PLAUR: variants seen among roughly 807,000 people sequenced by gnomAD.
PLAUR encodes plasminogen activator, urokinase receptor, also known as urokinase plasminogen activator surface receptor.
PLAUR carries 22 observed loss-of-function variants against 33.4 expected under a neutral mutation model. The observed-to-expected ratio is 0.66, with a 90% CI of 0.47 to 0.94. The LOEUF (loss-of-function observed/expected upper bound fraction) is 0.94, where lower values mean the gene tolerates loss of function less well. Ranked by LOEUF, PLAUR falls within the 40% of genes least tolerant of loss-of-function variation. The probability of loss-of-function intolerance (pLI) is 0.00; values close to 1 mark genes in which losing one functional copy is unlikely to be tolerated. For synonymous variants in PLAUR, 148 were observed against 167.3 expected, an observed-to-expected ratio of 0.88 and a Z score of 0.89; for missense variants, 408 against 434.7, an observed-to-expected ratio of 0.94 and a Z score of 0.55.
chr19:43,663,173 A>G (rs983092405), intron 3 of PLAUR, among the ~76,000 whole-genome samples: 1 of 152,080 alleles, frequency 6.6e-6, no homozygotes, highest in East Asian at 1.9e-4. Context: ...TAGCCCAGAC[A>G]AATCTATTAG....
chr19:43,667,584 C>T lies in PLAUR; in HGVS notation c.163G>A (p.Glu55Lys). The change falls in exon 2 of 7, where the codon GAA becomes AAA. Residue 55 changes from glutamate to lysine, a missense_variant. Transcript: ENST00000340093. ...LCRTTIVRLW[E>K]EGEELELVEK... The stretch of plus-strand genomic sequence containing the variant: ...TGTGGGTTGGGGGGAAGCTCACCTT[C>T]CCACAAGCGCACGATCGTGGTCCTG... The T allele has an allele frequency of 6.2e-7, 1 of 1,610,718 alleles. No individual in the cohort carries two copies. The highest frequency in any genetic ancestry group is 1.1e-5 in the South Asian group (1 of 91,004).
intron 2 of PLAUR, chr19:43,667,334 C>G: frequency 1.8e-6 from 1 of 552,858 alleles, no homozygotes; most frequent in Non-Finnish European, 3.3e-6. Flanking sequence ...TAGATATTGC[C>G]GAATCGCTCT....
intron 3 of PLAUR, chr19:43,661,246 G>A (rs914362552): frequency 2.6e-5 from 4 of 152,230 alleles, no homozygotes; most frequent in Middle Eastern, 3.4e-3. Context: ...TCAGTCTAGC[G>A]ACTCTCTTTC....
rs548582154 is a variant in PLAUR, at chr19:43,668,287, C to G, written c.56-596G>C. On this transcript the variant is annotated intron_variant, in intron 1 of 6. Transcript: ENST00000340093. ...TCTATTGTTAGATACTCTAGTTTCC[C>G]GCGAAGTTCTGTCTCCGCCCTCCAG... 8.1e-6 allele frequency: 8 copies of G among 986,504 alleles called. No homozygotes were observed. The East Asian group carries it at 9.1e-4, about 112-fold the overall frequency. 61.1% of individuals were successfully genotyped at this position (986,504 alleles called of 1,614,324 possible). A position where few individuals can be genotyped will look rare whatever the true frequency, so the allele number is the denominator to read the frequency against.
chr19:43,646,449 C>T (rs377483791), downstream of PLAUR: 5 of 718,100 alleles, frequency 7.0e-6, no homozygotes, highest in Non-Finnish European at 1.3e-5. Flanking sequence ...TCTATCTCCA[C>T]ATGGCATTTA....
chr19:43,654,649 T>G (rs974776347), intron 5 of PLAUR, among the ~76,000 whole-genome samples: 1 of 149,814 alleles, frequency 6.7e-6, no homozygotes, highest in Non-Finnish European at 1.5e-5. Context: ...TGGGAAGAAT[T>G]CCTGAGCCCA....
intron 3 of PLAUR, 110 bp from the exon 4 acceptor site, chr19:43,656,750 G>A (rs1974231809): frequency 5.8e-6 from 5 of 862,438 alleles, no homozygotes; most frequent in Middle Eastern, 3.5e-4. Context: ...CCTGCAGCCA[G>A]TCATTGAGCC....
In PLAUR at chr19:43,649,007, G is replaced by A. The variant is rs770514145; in HGVS notation, c.891C>T (p.Asp297=). The A allele has an allele frequency of 3.7e-6, 6 of 1,614,234 alleles. No homozygotes were observed. The South Asian group carries it at 5.5e-5, about 15-fold the overall frequency. The change falls in exon 7 of 7, where the codon GAC becomes GAT. Residue 297 remains aspartate (D), a synonymous_variant. Coordinates refer to ENST00000340093, the MANE Select transcript of PLAUR (RefSeq NM_002659.4). ...CCTKSGCNHP[D]LDVQYRSGAA... ...CCCCACTGCGGTACTGGACATCCAG[G>A]TCTGGGTGGTTACAGCCACTTTTAG...
chr19:43,659,842 A>C (rs4251854), intron 3 of PLAUR, among the ~76,000 whole-genome samples: 17,545 of 152,236 alleles, frequency 0.12, 1,094 homozygotes, highest in East Asian at 0.23. Flanking sequence ...TCTATCAAGC[A>C]TAACTGCCGA....
chr19:43,669,407 C>T (rs1967420828), intron 1 of PLAUR, among the ~76,000 whole-genome samples: 1 of 152,180 alleles, frequency 6.6e-6, no homozygotes, highest in Non-Finnish European at 1.5e-5. Context: ...GATTTTAGGC[C>T]AGTTATCTAA....
chr19:43,657,927 G>A (rs2146237251), intron 3 of PLAUR, among the ~76,000 whole-genome samples: 1 of 152,258 alleles, frequency 6.6e-6, no homozygotes, highest in African/African-American at 2.4e-5. Context: ...GGCTGGCTGG[G>A]TGCAGCAGCT....
chr19:43,648,698 G>A lies in PLAUR; in HGVS notation c.*192C>T. On this transcript the variant is annotated 3_prime_UTR_variant, in exon 7 of 7. Transcript: ENST00000340093. Reference sequence around the variant, plus strand: ...ACAAGAGCTCTCCCATTGGCCCACGGCCTTCCTCCAGCTTTTCTCTTCTGC... The same window carrying A: ...ACAAGAGCTCTCCCATTGGCCCACGACCTTCCTCCAGCTTTTCTCTTCTGC... 1.2e-6 allele frequency: 1 copy of A among 801,992 alleles called. No homozygotes were observed. The allele number at this position is 801,992 out of a possible 1,614,324, so 49.7% of individuals were successfully genotyped here.
intron 6 of PLAUR, among the ~76,000 whole-genome samples, chr19:43,649,986 T>A (rs1973925591): frequency 6.6e-6 from 1 of 150,568 alleles, no homozygotes; most frequent in African/African-American, 2.4e-5. Context: ...CACAGCAAAA[T>A]AATGCCAGTT....
intron 3 of PLAUR, among the ~76,000 whole-genome samples, chr19:43,658,077 C>T (rs1441930056): frequency 6.6e-6 from 1 of 151,990 alleles, no homozygotes; most frequent in African/African-American, 2.4e-5. Context: ...AATAAGGATG[C>T]CCTATGTAGT....
In PLAUR at chr19:43,652,235, G is replaced by C. The variant is rs4251912; in HGVS notation, c.744C>G (p.Thr248=). The change falls in exon 6 of 7, where the codon ACC becomes ACG. Residue 248 remains threonine, a synonymous_variant. Transcript: ENST00000340093. ...CGGAGAGGGCCTCACCGTGAGTGCCGGTGGCTACCAGACATTGATTCATGG... is the reference window on the plus strand; with the variant it reads ...CGGAGAGGGCCTCACCGTGAGTGCCCGTGGCTACCAGACATTGATTCATGG... ...RGPMNQCLVA[T]GTHEPKNQSY... 1 of 1,614,010 alleles carries C rather than the reference G, an allele frequency of 6.2e-7. No individual in the cohort carries two copies. The highest frequency in any genetic ancestry group is 1.1e-5 in the South Asian group (1 of 91,068).
chr19:43,649,926 A>G (rs371874393), intron 6 of PLAUR, among the ~76,000 whole-genome samples: 1 of 151,830 alleles, frequency 6.6e-6, no homozygotes, highest in Non-Finnish European at 1.5e-5. Flanking sequence ...AGAAGCTTCC[A>G]TGAGGACCCA....
In PLAUR at chr19:43,649,041, G is replaced by T. The variant is rs1352179721; in HGVS notation, c.857C>A (p.Ser286Tyr). Residue 286 changes from serine to tyrosine, a missense_variant, in exon 7 of 7, where the codon TCC (serine) becomes TAC (tyrosine). By Grantham distance (144) the Ser-to-Tyr change is moderately radical. Coordinates refer to ENST00000340093, the MANE Select transcript of PLAUR (RefSeq NM_002659.4). ...DAFSMNHIDVSCCTKSGCNHP... is the reference protein window; with the variant it reads ...DAFSMNHIDVYCCTKSGCNHP... ...GTTACAGCCACTTTTAGTACAGCAG[G>T]AGACATCAATGTGGTTCATGCTGAA... The T allele has an allele frequency of 6.2e-7, 1 of 1,614,246 alleles. No homozygotes were observed. Among genetic ancestry groups the T allele is most frequent in the Admixed American group, 1.7e-5 (1 of 60,030 alleles).
chr19:43,653,901 G>A (rs982338789), intron 5 of PLAUR, among the ~76,000 whole-genome samples: 2 of 152,184 alleles, frequency 1.3e-5, no homozygotes, highest in Admixed American at 6.5e-5. Flanking sequence ...TGAGTCAGGC[G>A]GATCATGAGG....
chr19:43,649,284 G>A (rs553499457), intron 6 of PLAUR, 141 bp from the exon 7 acceptor site: 21 of 935,044 alleles, frequency 2.2e-5, no homozygotes, highest in Admixed American at 1.9e-4. Flanking sequence ...GCCAGGTGTG[G>A]TGGCTCATGC....
Sources: allele counts gnomAD v4.1 joint callset (sites outside exome capture counted in the v4.1 genomes callset), GRCh38; gene constraint gnomAD v4.1.1; transcripts MANE v1.5; gene names NCBI Gene and HGNC (gene_info 2026-07-23, HGNC 2026-07-21).